Variants in SAV1 observed in about 807,000 individuals in gnomAD.
The protein encoded by SAV1 is protein salvador homolog 1.
Under a neutral mutation model 47.3 loss-of-function variants are expected in SAV1, and 23 were observed. That is an observed-to-expected ratio of 0.49 (90% CI 0.35 to 0.69). The LOEUF (loss-of-function observed/expected upper bound fraction) is 0.69. SAV1 is among the 30% of genes least tolerant of loss of function. The pLI is 0.01. For missense variants in SAV1, 448 were observed against 457.4 expected (o/e 0.98, Z 0.19); for synonymous variants, 155 against 159.2 (o/e 0.97, Z 0.20).
chr14:50,664,881 A>C (rs1319853406), intron 2 of SAV1: 1 of 202,532 alleles, frequency 4.9e-6, no homozygotes, highest in Non-Finnish European at 9.8e-6. Context: ...AATTCAGCCC[A>C]ACTGGAGACA....
chr14:50,659,045 T>A (rs1429615696), intron 2 of SAV1, among the ~76,000 whole-genome samples: 2 of 151,740 alleles, frequency 1.3e-5, no homozygotes, highest in Non-Finnish European at 2.9e-5. Flanking sequence ...TCTCAAGCTC[T>A]CAAGCAGTGT....
intron 2 of SAV1, chr14:50,662,942 C>T (rs2039872480): frequency 6.6e-6 from 1 of 152,252 alleles, no homozygotes; most frequent in Admixed American, 6.5e-5. Flanking sequence ...CAGTCATGTG[C>T]TGTGCTAATC....
chr14:50,646,498 C>T (rs2039722980), intron 2 of SAV1, among the ~76,000 whole-genome samples: 1 of 152,030 alleles, frequency 6.6e-6, no homozygotes, highest in African/African-American at 2.4e-5. Flanking sequence ...CCAGCCTGAC[C>T]AACATGGTGA....
Position 50,640,868 on chromosome 14 carries a change from G to C in SAV1, c.832C>G (p.Pro278Ala), listed in dbSNP as rs948958529. The change falls in exon 4 of 5, where the codon CCT becomes GCT. Residue 278 changes from proline (P) to alanine (A), a missense_variant. By Grantham distance (27) the Pro-to-Ala change is conservative. Transcript: ENST00000324679. The stretch of plus-strand genomic sequence containing the variant: ...GTTTGCTGTGGCTGGTATGTGACAG[G>C]AGGTGGTTGATCATACCGAGGTACA... ...PSVPRYDQPP[P>A]VTYQPQQTER... 6.2e-7 allele frequency: 1 copy of C among 1,613,332 alleles called. No individual in the cohort carries two copies. Among genetic ancestry groups the C allele is most frequent in the East Asian group, 2.2e-5 (1 of 44,856 alleles).
intron 2 of SAV1, among the ~76,000 whole-genome samples, chr14:50,658,058 T>A (rs145584034): frequency 6.6e-6 from 1 of 152,360 alleles, no homozygotes; most frequent in African/African-American, 2.4e-5. Context: ...ATAATCAAGA[T>A]GTTGATAAAA....
rs372755601 is a variant in SAV1 at position 50,656,366 on chromosome 14, A to G, written c.535+8813T>C. On this transcript the variant is annotated intron_variant, in intron 2 of 4. Coordinates refer to ENST00000324679, the MANE Select transcript of SAV1 (RefSeq NM_021818.4). The stretch of plus-strand genomic sequence containing the variant: ...TTACTAACGCTATTAAAAAACTCCA[A>G]TGCCCTGTAAAGCCATGATTCCTAA... 7.9e-5 allele frequency among the ~76,000 whole-genome samples: 12 copies of G among 152,274 alleles called. No homozygotes were observed. In the East Asian group the frequency reaches 1.5e-3, roughly 20 times the overall value.
intron 4 of SAV1, among the ~76,000 whole-genome samples, chr14:50,636,562 A>G (rs2039636123): frequency 6.6e-6 from 1 of 152,208 alleles, no homozygotes; most frequent in Non-Finnish European, 1.5e-5. Context: ...GTAGTCTTTC[A>G]GTGGTAAGTA....
chr14:50,635,410 T>C, intron 4 of SAV1, 26 bp from the exon 5 acceptor site: 2 of 1,550,490 alleles, frequency 1.3e-6, no homozygotes, highest in Non-Finnish European at 1.8e-6. Context: ...ATCATATATA[T>C]GTTCACAACA....
At chr14:50,642,100 A>C (rs992952770) in intron 3 of SAV1, among the ~76,000 whole-genome samples, 1 of 152,162 alleles carries the variant, frequency 6.6e-6, no homozygotes, top group Non-Finnish European at 1.5e-5. Context: ...AAGTGAATTA[A>C]TGCAGGAAGA....
At chr14:50,640,403 A>G (rs1035953283) in intron 4 of SAV1, among the ~76,000 whole-genome samples, 5 of 152,158 alleles carry the variant, frequency 3.3e-5, no homozygotes, top group Non-Finnish European at 7.4e-5. Context: ...TACAGGTGTG[A>G]GCCACTGTGC....
intron 1 of SAV1, among the ~76,000 whole-genome samples, chr14:50,666,197 C>A (rs1248808299): frequency 6.6e-6 from 1 of 151,974 alleles, no homozygotes; most frequent in South Asian, 2.1e-4. Context: ...GCTAGAAAGC[C>A]AAAAATTTAT....
At chr14:50,667,703 T>C (rs553321229) in intron 1 of SAV1, among the ~76,000 whole-genome samples, 171 bp downstream of exon 1, 14 of 152,108 alleles carry the variant, frequency 9.2e-5, no homozygotes, top group Admixed American at 1.3e-4. Context: ...CTTACTCTTA[T>C]GGGCTTTCAA....
chr14:50,640,950 A>G, intron 3 of SAV1, 57 bp from the exon 4 acceptor site: 2 of 1,486,256 alleles, frequency 1.3e-6, no homozygotes, highest in South Asian at 1.4e-5. Context: ...TAAACAAGAA[A>G]TTATAAAGAA....
In SAV1 at chr14:50,650,829, CG is replaced by C. The variant is rs553644932; in HGVS notation, c.536-5816del. Among the ~76,000 whole-genome samples, 850 of 152,160 alleles carry C rather than the reference CG, an allele frequency of 5.6e-3. 6 individuals are homozygous for C. The highest frequency in any genetic ancestry group is 8.5e-3 in the Non-Finnish European group (577 of 68,000). On this transcript the variant is annotated intron_variant, in intron 2 of 4. Transcript: ENST00000324679. The stretch of plus-strand genomic sequence containing the variant: ...CTGATGTCAGAAGTTTGAGACCAGC[CG>C]GGCCAAGACGACAAAACCCTATCTC...
chr14:50,639,201 C>T (rs1480175791), intron 4 of SAV1, among the ~76,000 whole-genome samples: 1 of 152,128 alleles, frequency 6.6e-6, no homozygotes, highest in Non-Finnish European at 1.5e-5. Context: ...GTTTCTAAAT[C>T]AAGTTTTAGA....
chr14:50,644,586 T>C (rs2039704995), intron 3 of SAV1, among the ~76,000 whole-genome samples, 158 bp downstream of exon 3: 2 of 152,230 alleles, frequency 1.3e-5, no homozygotes, highest in Non-Finnish European at 2.9e-5. Context: ...AAGTCATTTA[T>C]TACTAAATGT....
chr14:50,639,431 T>A (rs2039663868), intron 4 of SAV1, among the ~76,000 whole-genome samples: 1 of 152,228 alleles, frequency 6.6e-6, no homozygotes, highest in Non-Finnish European at 1.5e-5. Context: ...ACCATTTCCA[T>A]CCTCTTCAGC....
chr14:50,662,915 TG>T (rs1375697909), intron 2 of SAV1: 4 of 152,252 alleles, frequency 2.6e-5, no homozygotes, highest in African/African-American at 9.6e-5. Context: ...CATTTATTTT[TG>T]TGAGCATCTC....
At chr14:50,638,299 T>G (rs180810205) in intron 4 of SAV1, among the ~76,000 whole-genome samples, 6 of 152,332 alleles carry the variant, frequency 3.9e-5, no homozygotes, top group East Asian at 1.9e-4. Context: ...TCATTTATAC[T>G]GTATATACAC....
Sources: allele counts gnomAD v4.1 joint callset (sites outside exome capture counted in the v4.1 genomes callset), GRCh38; gene constraint gnomAD v4.1.1; transcripts MANE v1.5; gene names NCBI Gene and HGNC (gene_info 2026-07-23, HGNC 2026-07-21).